The following TTBK2 variants were observed in gnomAD, a reference collection of about 807,000 sequenced individuals.
TTBK2 encodes tau-tubulin kinase 2.
In TTBK2, 28 loss-of-function variants were observed where a neutral mutation model predicts 110.8. That is an observed-to-expected ratio of 0.25 (90% confidence interval 0.19 to 0.35). The LOEUF is 0.35. Among genes scored for constraint, TTBK2 ranks in the 10% least tolerant of loss-of-function variants. The pLI, the probability that TTBK2 is intolerant of heterozygous loss-of-function variation, is 1.00. For synonymous variants in TTBK2, 532 were observed against 527.3 expected (o/e 1.01, Z -0.12); for missense variants, 1,369 against 1,500.3 (o/e 0.91, Z 1.45).
intron 1 of TTBK2, among the ~76,000 whole-genome samples, chr15:42,889,360 T>C (rs965519290): frequency 6.6e-6 from 1 of 152,210 alleles, no homozygotes; most frequent in African/African-American, 2.4e-5. Context: ...TGGTCATTTC[T>C]TCCCTTCTGT....
At chr15:42,855,681 A>T (rs1379018544) in intron 3 of TTBK2, among the ~76,000 whole-genome samples, 1 of 152,170 alleles carries the variant, frequency 6.6e-6, no homozygotes, top group Non-Finnish European at 1.5e-5. Context: ...TTATTTATTT[A>T]TTATATATTG....
At position 42,743,884 on chromosome 15, in the gene TTBK2, G is replaced by A. The variant is rs1393766494; in HGVS notation, c.*1911C>T. On this transcript the variant is annotated 3_prime_UTR_variant, in exon 15 of 15. Coordinates refer to ENST00000267890, the MANE Select transcript of TTBK2 (RefSeq NM_173500.4). ...AGATAGGCAAGGCCCAAGTGTACAT[G>A]AGGCACACAATAGAAAAGGAATTTC... 1.3e-5 allele frequency: 2 copies of A among 152,166 alleles called. No homozygotes were observed. The highest frequency in any genetic ancestry group is 4.8e-5 in the African/African-American group (2 of 41,440). The allele number at this position is 152,166 out of a possible 1,614,324, so 9.4% of individuals were successfully genotyped here.
At chr15:42,878,018 T>TA (rs58433944) in intron 2 of TTBK2, among the ~76,000 whole-genome samples, 1,755 of 137,012 alleles carry the variant, frequency 0.013, 30 homozygotes, top group African/African-American at 0.038. Flanking sequence ...TTTTCCTTAA[T>TA]AAAAAAAAAA....
intron 1 of TTBK2, among the ~76,000 whole-genome samples, chr15:42,899,417 G>A (rs1895795119): frequency 6.7e-6 from 1 of 149,392 alleles, no homozygotes; most frequent in South Asian, 2.2e-4. Flanking sequence ...CCAACATGGT[G>A]AAACCCCATC....
In TTBK2 at chr15:42,828,437, C is replaced by T. The variant is rs115024868; in HGVS notation, c.433-405G>A. ...TTTAAAAGAATTTCCTATAAGCAGC[C>T]AGGTGCGGTGACTCACGCCTATACT... On this transcript the variant is annotated intron_variant, in intron 5 of 14. Transcript: ENST00000267890. Among the ~76,000 whole-genome samples the T allele has an allele frequency of 9.7e-3, 1,462 of 151,032 alleles. 32 individuals are homozygous for T. Among genetic ancestry groups the T allele is most frequent in the African/African-American group, 0.034 (1,410 of 41,182 alleles).
intron 6 of TTBK2, among the ~76,000 whole-genome samples, chr15:42,826,468 T>C (rs1892540618): frequency 6.6e-6 from 1 of 152,200 alleles, no homozygotes; most frequent in African/African-American, 2.4e-5. Context: ...ACTGCCTCTG[T>C]ACATGTTTTA....
At chr15:42,842,342 G>C (rs1337454911) in intron 3 of TTBK2, among the ~76,000 whole-genome samples, 1 of 152,166 alleles carries the variant, frequency 6.6e-6, no homozygotes, top group Non-Finnish European at 1.5e-5. Flanking sequence ...AGTGGACATT[G>C]ACAAGTACAT....
intron 3 of TTBK2, among the ~76,000 whole-genome samples, chr15:42,841,414 T>A (rs955684193): frequency 6.6e-6 from 1 of 152,070 alleles, no homozygotes; most frequent in Non-Finnish European, 1.5e-5. Context: ...TTTTACCATA[T>A]TGCCCAGGCT....
At chr15:42,776,851 T>A (rs899100254) in intron 12 of TTBK2, 180 bp downstream of exon 12, 1 of 648,216 alleles carries the variant, frequency 1.5e-6, no homozygotes, top group Non-Finnish European at 2.6e-6. Flanking sequence ...AGAATCAGGA[T>A]AATAATAATT....
chr15:42,830,011 C>T lies in TTBK2; in HGVS notation c.359G>A (p.Arg120Gln), dbSNP rs35328266. ...RGTFTISTTL[R>Q]LGRQILESIE... ...AGACTCCAAAATCTGTCTACCCAGC[C>T]GGAGAGTGGTACTAATGGTGAATGT... The change falls in exon 5 of 15, where the codon CGG becomes CAG. Residue 120 changes from arginine (R) to glutamine (Q), a missense_variant. Around this residue, in one of 4 missense-constraint regions of TTBK2, gnomAD observed 122 missense variants for 159.7 expected, o/e 0.76. Transcript: ENST00000267890. The T allele has an allele frequency of 4.3e-6, 7 of 1,613,942 alleles. No homozygotes were observed. The highest frequency in any genetic ancestry group is 1.1e-5 in the South Asian group (1 of 91,078).
chr15:42,841,368 C>T (rs1042536932), intron 3 of TTBK2, among the ~76,000 whole-genome samples: 6 of 152,074 alleles, frequency 3.9e-5, no homozygotes, highest in African/African-American at 1.4e-4. Flanking sequence ...TGCCACCACA[C>T]CTGGCTGATT....
chr15:42,878,907 G>A lies in TTBK2; in HGVS notation c.-67-223C>T, dbSNP rs141008242. On this transcript the variant is annotated intron_variant, in intron 1 of 14. Transcript: ENST00000267890. The stretch of plus-strand genomic sequence containing the variant: ...AATAGCTAGGCATTACAAAGACACC[G>A]TTAAAACACAGATATTATTTATAAT... Among the ~76,000 whole-genome samples, 5 of 152,222 alleles carry A rather than the reference G, an allele frequency of 3.3e-5. 1 individual carries two copies. In the East Asian group the frequency reaches 9.6e-4, roughly 29 times the overall value.
At chr15:42,871,184 A>G (rs1009879423) in intron 3 of TTBK2, among the ~76,000 whole-genome samples, 2 of 152,198 alleles carry the variant, frequency 1.3e-5, no homozygotes, top group Non-Finnish European at 2.9e-5. Flanking sequence ...AAGATTAAAA[A>G]TCAATTTATT....
At chr15:42,840,642 C>A (rs8039438) in intron 3 of TTBK2, 1 of 647,364 alleles carries the variant, frequency 1.5e-6, no homozygotes, top group Non-Finnish European at 2.8e-6. Context: ...AAATAAATGA[C>A]TATTTGAATG....
intron 13 of TTBK2, 123 bp downstream of exon 13, chr15:42,775,012 C>G (rs1889837410): frequency 1.0e-6 from 1 of 989,062 alleles, no homozygotes; most frequent in East Asian, 2.4e-5. Flanking sequence ...TACAAAATCA[C>G]TCCCTGGGCC....
At chr15:42,884,867 T>G (rs1020999283) in intron 1 of TTBK2, among the ~76,000 whole-genome samples, 1 of 152,184 alleles carries the variant, frequency 6.6e-6, no homozygotes, top group African/African-American at 2.4e-5. Context: ...GAAAATAGCC[T>G]TAGCTGATGA....
intron 9 of TTBK2, among the ~76,000 whole-genome samples, chr15:42,810,115 C>T (rs1472230216): frequency 1.3e-5 from 2 of 152,074 alleles, no homozygotes; most frequent in Non-Finnish European, 2.9e-5. Context: ...TGTAGTAAAC[C>T]TAGTCAACCC....
At chr15:42,811,186 G>A (rs1891706570) in intron 8 of TTBK2, among the ~76,000 whole-genome samples, 1 of 151,928 alleles carries the variant, frequency 6.6e-6, no homozygotes. Context: ...AAAGATTGGG[G>A]TCTCACTATG....
intron 11 of TTBK2, among the ~76,000 whole-genome samples, chr15:42,779,421 AAAG>A (rs1484233715): frequency 1.3e-5 from 2 of 151,704 alleles, no homozygotes; most frequent in South Asian, 2.1e-4. Flanking sequence ...AAAAAAAAAA[AAAG>A]AAAGAAAACA....
Sources: gnomAD v4.1 joint callset for allele counts (sites outside exome capture counted in the v4.1 genomes callset) on GRCh38, gnomAD v4.1.1 for gene constraint, gnomAD v4.1.1 regional missense constraint, MANE v1.5 for transcripts, NCBI Gene and HGNC (gene_info 2026-07-23, HGNC 2026-07-21) for gene names.